The following SLC14A2 variants were observed in gnomAD, a reference collection of about 807,000 sequenced individuals.
SLC14A2 encodes the protein solute carrier family 14 member 2, also known as urea transporter 2.
A neutral mutation model predicts 104.6 loss-of-function variants in SLC14A2; 91 were observed. The observed-to-expected ratio is 0.87, with a 90% confidence interval of 0.73 to 1.04. SLC14A2 has a LOEUF of 1.04. Ranked by LOEUF, SLC14A2 falls within the 50% of genes least tolerant of loss-of-function variation. The pLI is 0.00. For synonymous variants in SLC14A2, 476 were observed against 466.4 expected, an observed-to-expected ratio of 1.02 and a Z score of -0.27; for missense variants, 1,189 against 1,156.0, an observed-to-expected ratio of 1.03 and a Z score of -0.41.
At chr18:45,193,503 T>G in the SLC14A2 span, among the ~76,000 whole-genome samples, 2 of 152,208 alleles carry the variant, frequency 1.3e-5, no homozygotes, top group South Asian at 2.1e-4. Context: ...TTTGTACCTT[T>G]GCAGAAAATA....
chr18:45,635,047 G>A, intron 5 of SLC14A2: 1 of 347,366 alleles, frequency 2.9e-6, no homozygotes. Context: ...AAAAAAAAAA[G>A]AAAATTGAAT....
Position 45,669,283 on chromosome 18 carries a change from A to G in SLC14A2, c.2037-23A>G, listed in dbSNP as rs143836662. ...ATGACCAGGCGGCTTCCTGACCAGC[A>G]TCTCTCATGCTTCTGCCATCAGCCC... On this transcript the variant is annotated intron_variant, in intron 15 of 19. Transcript: ENST00000255226. 1.1e-3 allele frequency: 1,682 copies of G among 1,598,134 alleles called. 16 individuals carry two copies. The African/African-American group carries it at 0.014, about 13-fold the overall frequency.
rs56399767 is a variant in SLC14A2 at position 45,276,958 on chromosome 18, C to A, written c.-125+63767C>A. 5.4e-3 allele frequency among the ~76,000 whole-genome samples: 818 copies of A among 152,292 alleles called. 7 individuals are homozygous for A. The highest frequency in any genetic ancestry group is 0.018 in the African/African-American group (762 of 41,562). ...CTTTATTGATGTTAATAATAGTGAT[C>A]CTGGGCCTTTGGCCTTTATCTTCTT... On this transcript the variant is annotated intron_variant, in intron 1 of 20. Transcript: ENST00000586448.
chr18:45,190,121 C>T, the SLC14A2 span, among the ~76,000 whole-genome samples: 2 of 152,180 alleles, frequency 1.3e-5, no homozygotes, highest in Non-Finnish European at 2.9e-5. Context: ...AGCACATTCT[C>T]TGTTTAGCAG....
chr18:45,464,697 C>T (rs921370513), intron 1 of SLC14A2, among the ~76,000 whole-genome samples: 3 of 152,134 alleles, frequency 2.0e-5, no homozygotes, highest in Non-Finnish European at 4.4e-5. Flanking sequence ...CAGTTCCACT[C>T]GTAGAGCAGT....
chr18:45,376,851 C>A (rs1568173202), intron 1 of SLC14A2, among the ~76,000 whole-genome samples: 1 of 152,126 alleles, frequency 6.6e-6, no homozygotes, highest in Non-Finnish European at 1.5e-5. Context: ...ACGACAGAGA[C>A]CTTACTAGAT....
chr18:45,290,171 G>A (rs1316297651), intron 1 of SLC14A2, among the ~76,000 whole-genome samples: 3 of 152,122 alleles, frequency 2.0e-5, no homozygotes, highest in Admixed American at 1.3e-4. Context: ...TATATTGCGT[G>A]ACACTGAGGT....
chr18:45,509,286 C>T (rs893876495), intron 2 of SLC14A2, among the ~76,000 whole-genome samples: 7 of 151,530 alleles, frequency 4.6e-5, no homozygotes, highest in African/African-American at 1.7e-4. Flanking sequence ...CATCTCCTCC[C>T]TATATATATA....
intron 2 of SLC14A2, among the ~76,000 whole-genome samples, chr18:45,515,006 C>T (rs1306737304): frequency 6.6e-6 from 1 of 152,046 alleles, no homozygotes; most frequent in African/African-American, 2.4e-5. Flanking sequence ...AAATAAGAAC[C>T]CCATGAAGCA....
chr18:45,315,269 G>T (rs1282782130), intron 1 of SLC14A2, among the ~76,000 whole-genome samples: 1 of 152,074 alleles, frequency 6.6e-6, no homozygotes, highest in Non-Finnish European at 1.5e-5. Flanking sequence ...GAAAAGGCAG[G>T]GTGCATCAGA....
chr18:45,488,778 A>G (rs561228102), intron 2 of SLC14A2, among the ~76,000 whole-genome samples: 10 of 152,322 alleles, frequency 6.6e-5, no homozygotes, highest in African/African-American at 2.4e-4. Context: ...TCAATGTTCA[A>G]TCTAACTGAA....
At chr18:45,299,913 T>G (rs1347083826) in intron 1 of SLC14A2, among the ~76,000 whole-genome samples, 1 of 152,182 alleles carries the variant, frequency 6.6e-6, no homozygotes, top group Non-Finnish European at 1.5e-5. Context: ...CTGTCCCCAT[T>G]GGTGCTGATG....
At chr18:45,374,905 C>A (rs546992184) in intron 1 of SLC14A2, among the ~76,000 whole-genome samples, 104 of 152,260 alleles carry the variant, frequency 6.8e-4, no homozygotes, top group African/African-American at 2.5e-3. Context: ...TAAGACACAA[C>A]CCCTGGGTTG....
intron 1 of SLC14A2, among the ~76,000 whole-genome samples, chr18:45,311,957 T>C (rs1215012499): frequency 6.6e-6 from 1 of 152,198 alleles, no homozygotes; most frequent in East Asian, 1.9e-4. Context: ...GGAGACAAGC[T>C]ATGACTATCT....
intron 2 of SLC14A2, among the ~76,000 whole-genome samples, chr18:45,538,556 C>T (rs762103798): frequency 8.5e-5 from 13 of 152,310 alleles, no homozygotes; most frequent in Non-Finnish European, 1.2e-4. Context: ...TGGGCTTCCC[C>T]GTAGGACTGC....
chr18:45,217,180 G>A (rs1436679872), intron 1 of SLC14A2, among the ~76,000 whole-genome samples: 3 of 150,136 alleles, frequency 2.0e-5, no homozygotes, highest in Non-Finnish European at 4.4e-5. Context: ...ACCAAATATG[G>A]AGAACACATT....
chr18:45,295,820 G>T (rs2084913130), intron 1 of SLC14A2, among the ~76,000 whole-genome samples: 1 of 152,094 alleles, frequency 6.6e-6, no homozygotes, highest in South Asian at 2.1e-4. Flanking sequence ...TTTTATCAAA[G>T]AAACACATTT....
chr18:45,590,305 A>G (rs2044629945), intron 2 of SLC14A2, among the ~76,000 whole-genome samples: 1 of 152,162 alleles, frequency 6.6e-6, no homozygotes. Flanking sequence ...GCCTCAGATC[A>G]GAGCTGCTGA....
In SLC14A2 at chr18:45,624,649, G is replaced by A. The variant is rs759550112; in HGVS notation, c.-16G>A. ...CGTCTAGTCCATCGATAGAAGAGTG[G>A]CTGTGACCCGAAGGAATGTCTGACC... On this transcript the variant is annotated 5_prime_UTR_variant, in exon 2 of 20. Transcript: ENST00000255226. 11 of 1,605,746 alleles carry A rather than the reference G, an allele frequency of 6.9e-6. No individual in the cohort carries two copies. The highest frequency in any genetic ancestry group is 9.4e-6 in the Non-Finnish European group (11 of 1,175,684).
Sources: allele counts gnomAD v4.1 joint callset (sites outside exome capture counted in the v4.1 genomes callset), GRCh38; gene constraint gnomAD v4.1.1; transcripts MANE v1.5; gene names NCBI Gene and HGNC (gene_info 2026-07-23, HGNC 2026-07-21).